KIRREL3: variants seen among roughly 807,000 people sequenced by gnomAD.
KIRREL3 encodes the protein kirre like nephrin family adhesion molecule 3, also known as kin of IRRE-like protein 3.
In KIRREL3, 36 loss-of-function variants were observed where a neutral mutation model predicts 89.7. The observed-to-expected ratio is 0.40, with a 90% CI of 0.31 to 0.53. The LOEUF (loss-of-function observed/expected upper bound fraction) is 0.53. Among genes scored for constraint, KIRREL3 ranks in the 20% least tolerant of loss-of-function variants. KIRREL3 has a pLI of 0.49. For synonymous variants in KIRREL3, 445 were observed against 441.4 expected, an observed-to-expected ratio of 1.01 and a Z score of -0.10; for missense variants, 864 against 1,056.6, an observed-to-expected ratio of 0.82 and a Z score of 2.53.
At chr11:126,440,651 G>T in intron 10 of KIRREL3, 102 bp from the exon 11 acceptor site, 2 of 1,062,554 alleles carry the variant, frequency 1.9e-6, no homozygotes, top group South Asian at 1.3e-5. Flanking sequence ...CAAGCATTCA[G>T]CAAACATTTG....
Position 126,791,084 on chromosome 11 carries a change from T to C in KIRREL3, c.55+209371A>G, listed in dbSNP as rs1341937113. Among the ~76,000 whole-genome samples the C allele has an allele frequency of 6.6e-6, 1 of 152,174 alleles. No individual in the cohort carries two copies. Among genetic ancestry groups the C allele is most frequent in the African/African-American group, 2.4e-5 (1 of 41,454 alleles). On this transcript the variant is annotated intron_variant, in intron 1 of 16. Transcript: ENST00000525144. The surrounding 1 kb of genome is among the most constrained non-coding windows in gnomAD (Gnocchi z 4.8). ...AGGAAAAAATGAGTGATCCTTGAAA[T>C]GGTCTTTTTCTACCGTTAGGACAGG...
At chr11:126,437,385 G>A (rs377117977) in intron 11 of KIRREL3, among the ~76,000 whole-genome samples, 17 of 113,550 alleles carry the variant, frequency 1.5e-4, no homozygotes, top group African/African-American at 4.7e-4. Flanking sequence ...ACACACACAA[G>A]TGTGCACCCA....
chr11:126,589,163 T>C (rs908844753), intron 1 of KIRREL3, among the ~76,000 whole-genome samples: 3 of 152,240 alleles, frequency 2.0e-5, no homozygotes, highest in Non-Finnish European at 2.9e-5. Flanking sequence ...CCTGCGGCTC[T>C]GGCTGGAGAC....
intron 1 of KIRREL3, among the ~76,000 whole-genome samples, chr11:126,980,169 A>T (rs1164263430): frequency 6.6e-6 from 1 of 152,222 alleles, no homozygotes; most frequent in East Asian, 1.9e-4. Context: ...ATGATGAGGA[A>T]AAGGATATTT....
At position 126,431,483 on chromosome 11, in the gene KIRREL3, A is replaced by G. The variant is rs746656735; in HGVS notation, c.1632T>C (p.Ala544=). The G allele has an allele frequency of 6.2e-7, 1 of 1,613,994 alleles. No individual in the cohort carries two copies. The highest frequency in any genetic ancestry group is 1.1e-5 in the South Asian group (1 of 91,090). ...MAVIIGVAVG[A]GVAFLVLMAT... is the part of the protein sequence containing the mutation. ...CCATAAGGACGAGGAAGGCCACACC[A>G]GCTCCTACGGCCACCCCAATGATGA... The change falls in exon 14 of 17, where the codon GCT becomes GCC. Residue 544 remains alanine (A), a synonymous_variant. Coordinates refer to ENST00000525144, the MANE Select transcript of KIRREL3 (RefSeq NM_032531.4). The surrounding 1 kb of genome is among the most constrained non-coding windows in gnomAD (Gnocchi z 7.1).
intron 1 of KIRREL3, among the ~76,000 whole-genome samples, chr11:126,774,308 G>A (rs1874): frequency 0.25 from 38,148 of 151,856 alleles, 6,321 homozygotes; most frequent in East Asian, 0.79. Flanking sequence ...AAGGGGGAAA[G>A]AACTCCGAGT....
At position 126,608,034 on chromosome 11, in the gene KIRREL3, T is replaced by C. The variant is rs1385876220; in HGVS notation, c.56-45122A>G. Reference sequence around the variant, plus strand: ...ATCATCTCCCGTGCCTGCCGTGCTGTCTCTTACCAACCCAGGAGGGAGGGT... The same window carrying C: ...ATCATCTCCCGTGCCTGCCGTGCTGCCTCTTACCAACCCAGGAGGGAGGGT... On this transcript the variant is annotated intron_variant, in intron 1 of 16. Coordinates refer to ENST00000525144, the MANE Select transcript of KIRREL3 (RefSeq NM_032531.4). The surrounding 1 kb of genome is among the most constrained non-coding windows in gnomAD (Gnocchi z 4.9). 6.6e-6 allele frequency among the ~76,000 whole-genome samples: 1 copy of C among 152,148 alleles called. No homozygotes were observed. Among genetic ancestry groups the C allele is most frequent in the Non-Finnish European group, 1.5e-5 (1 of 68,024 alleles).
At position 126,703,567 on chromosome 11, in the gene KIRREL3, G is replaced by A. The variant is rs1232167908; in HGVS notation, c.56-140655C>T. On this transcript the variant is annotated intron_variant, in intron 1 of 16. Transcript: ENST00000525144. This position sits in a 1 kb window ranked among gnomAD's most constrained non-coding sequence, Gnocchi z 4.6. ...GAATTAAGTGATCGGTCAGAGGTCAGTCAGATCGGGAGTGATGGGGCTGTA... is the reference window on the plus strand; with the variant it reads ...GAATTAAGTGATCGGTCAGAGGTCAATCAGATCGGGAGTGATGGGGCTGTA... Among the ~76,000 whole-genome samples the A allele has an allele frequency of 6.6e-6, 1 of 152,256 alleles. No homozygotes were observed. Among genetic ancestry groups the A allele is most frequent in the Non-Finnish European group, 1.5e-5 (1 of 68,042 alleles).
At chr11:126,435,227 T>G (rs760765856) in intron 13 of KIRREL3, 41 bp downstream of exon 13, 50 of 1,609,224 alleles carry the variant, frequency 3.1e-5, no homozygotes, top group Non-Finnish European at 1.9e-5. Flanking sequence ...GGAAGTCCCT[T>G]CCCCCCTTCC....
Position 126,596,526 on chromosome 11 carries a change from A to G in KIRREL3, c.56-33614T>C, listed in dbSNP as rs541496352. On this transcript the variant is annotated intron_variant, in intron 1 of 16. Coordinates refer to ENST00000525144, the MANE Select transcript of KIRREL3 (RefSeq NM_032531.4). The stretch of plus-strand genomic sequence containing the variant: ...GTAGGAATGTGATGACCTCGGCCCC[A>G]GGGCCAAGATATGTTCTTGCCATGT... 5.9e-5 allele frequency among the ~76,000 whole-genome samples: 9 copies of G among 152,372 alleles called. No individual in the cohort carries two copies. The South Asian group carries it at 1.9e-3, about 32-fold the overall frequency.
rs557411094 is a variant in KIRREL3, at chr11:126,456,010, C to T, written c.848+339G>A. 4.2e-4 allele frequency among the ~76,000 whole-genome samples: 61 copies of T among 143,638 alleles called. No homozygotes were observed. The South Asian group carries it at 0.013, about 31-fold the overall frequency. The allele number at this position is 143,638 out of a possible 152,430, so 94.2% of individuals were successfully genotyped here. On this transcript the variant is annotated intron_variant, in intron 7 of 16. Transcript: ENST00000525144. ...TGGAGGTTCTGATCTTGCTGCTTCTCCTGGTTGTTCTGGTTTTTTTTTGTT... is the reference window on the plus strand; with the variant it reads ...TGGAGGTTCTGATCTTGCTGCTTCTTCTGGTTGTTCTGGTTTTTTTTTGTT...
At position 126,610,323 on chromosome 11, in the gene KIRREL3, C is replaced by T. The variant is rs534775923; in HGVS notation, c.56-47411G>A. Reference sequence around the variant, plus strand: ...GTCAGGCTGGTCTTGAACTCCTGGTCTCAAACAATCTGTCTGCCTTGGCCT... The same window carrying T: ...GTCAGGCTGGTCTTGAACTCCTGGTTTCAAACAATCTGTCTGCCTTGGCCT... On this transcript the variant is annotated intron_variant, in intron 1 of 16. Transcript: ENST00000525144. The surrounding 1 kb of genome is among the most constrained non-coding windows in gnomAD (Gnocchi z 4.6). Among the ~76,000 whole-genome samples the T allele has an allele frequency of 3.3e-4, 51 of 152,314 alleles. No individual in the cohort carries two copies. Among genetic ancestry groups the T allele is most frequent in the Non-Finnish European group, 6.3e-4 (43 of 68,034 alleles).
rs952004327 is a variant in KIRREL3, at chr11:126,477,153, C to T, written c.434-3687G>A. Among the ~76,000 whole-genome samples the T allele has an allele frequency of 8.5e-5, 13 of 152,212 alleles. No individual in the cohort carries two copies. Among genetic ancestry groups the T allele is most frequent in the Non-Finnish European group, 1.5e-4 (10 of 68,024 alleles). On this transcript the variant is annotated intron_variant, in intron 4 of 16. Transcript: ENST00000525144. The surrounding 1 kb of genome is among the most constrained non-coding windows in gnomAD (Gnocchi z 4.8). Reference sequence around the variant, plus strand: ...GCGGCCTTAGCCGGGGGTGGCTGAGCGACACTCCTGCACCCAGCTGGCTCC... The same window carrying T: ...GCGGCCTTAGCCGGGGGTGGCTGAGTGACACTCCTGCACCCAGCTGGCTCC...
chr11:126,672,393 C>T (rs752229907), intron 1 of KIRREL3, among the ~76,000 whole-genome samples: 10 of 151,992 alleles, frequency 6.6e-5, no homozygotes, highest in South Asian at 2.1e-4. Context: ...GGATACTATT[C>T]GGCAATAAAA....
At chr11:126,674,957 C>A (rs140251745) in intron 1 of KIRREL3, among the ~76,000 whole-genome samples, 2,394 of 152,270 alleles carry the variant, frequency 0.016, 32 homozygotes, top group South Asian at 0.02. Context: ...TCGTGTTAAC[C>A]AATAAGCACC....
chr11:126,902,779 C>T (rs1326330842), intron 1 of KIRREL3, among the ~76,000 whole-genome samples: 1 of 152,226 alleles, frequency 6.6e-6, no homozygotes, highest in Non-Finnish European at 1.5e-5. Flanking sequence ...CTAGTTCTTA[C>T]AGGGCTATAG....
chr11:126,850,240 C>T (rs986643060), intron 1 of KIRREL3, among the ~76,000 whole-genome samples: 1 of 152,198 alleles, frequency 6.6e-6, no homozygotes, highest in Non-Finnish European at 1.5e-5. Context: ...ACCATGACCA[C>T]CCTATCAGAT....
At position 126,477,883 on chromosome 11, in the gene KIRREL3, C is replaced by T. The variant is rs989977580; in HGVS notation, c.434-4417G>A. 2.0e-5 allele frequency among the ~76,000 whole-genome samples: 3 copies of T among 152,202 alleles called. No homozygotes were observed. Among genetic ancestry groups the T allele is most frequent in the Non-Finnish European group, 2.9e-5 (2 of 68,034 alleles). Reference sequence around the variant, plus strand: ...CCCCATACTGCATGGTGGAGAACCTCATAGACACCCAGCCCTTTGGAGAGC... The same window carrying T: ...CCCCATACTGCATGGTGGAGAACCTTATAGACACCCAGCCCTTTGGAGAGC... On this transcript the variant is annotated intron_variant, in intron 4 of 16. Transcript: ENST00000525144. This position sits in a 1 kb window ranked among gnomAD's most constrained non-coding sequence, Gnocchi z 4.8.
rs938779618 is a variant in KIRREL3 at position 126,445,029 on chromosome 11, A to G, written c.1202T>C (p.Val401Ala). The G allele has an allele frequency of 6.2e-7, 1 of 1,613,928 alleles. No individual in the cohort carries two copies. Among genetic ancestry groups the G allele is most frequent in the Non-Finnish European group, 8.5e-7 (1 of 1,179,876 alleles). Residue 401 changes from valine (V) to alanine (A), a missense_variant, in exon 10 of 17, where the codon GTG becomes GCG. Physicochemically the swap from Val to Ala is moderately conservative, Grantham distance 64. Coordinates refer to ENST00000525144, the MANE Select transcript of KIRREL3 (RefSeq NM_032531.4). ...EDAGKYVCRA[V>A]VPRVGAGERE... ...CTCCCCGGCTCCCACACGGGGCACC[A>G]CAGCCCGGCACACGTACTTGCCCGC...
Sources: allele counts gnomAD v4.1 joint callset (sites outside exome capture counted in the v4.1 genomes callset), GRCh38; gene constraint gnomAD v4.1.1; non-coding constraint Gnocchi (gnomAD v3.1); transcripts MANE v1.5; gene names NCBI Gene and HGNC (gene_info 2026-07-23, HGNC 2026-07-21).